The following GPC6 variants were observed in gnomAD, a reference collection of about 807,000 sequenced individuals.
The protein encoded by GPC6 is glypican-6.
In GPC6, 14 loss-of-function variants were observed where a neutral mutation model predicts 55.2. The observed-to-expected ratio is 0.25, with a 90% CI of 0.17 to 0.40. GPC6 has a LOEUF of 0.40. Ranked by LOEUF, GPC6 falls within the 10% of genes least tolerant of loss-of-function variation. The pLI, the probability that GPC6 is intolerant of heterozygous loss-of-function variation, is 1.00. For missense variants in GPC6, 641 were observed against 708.5 expected (o/e 0.90, Z 1.08); for synonymous variants, 278 against 259.6 (o/e 1.07, Z -0.68).
intron 2 of GPC6, among the ~76,000 whole-genome samples, chr13:93,684,685 A>G (rs1007917891): frequency 5.3e-4 from 81 of 152,244 alleles, no homozygotes; most frequent in African/African-American, 1.6e-3. Context: ...CAGCTCTAAG[A>G]ACAGTACCTG....
chr13:93,554,975 C>T (rs1875380134), intron 2 of GPC6, among the ~76,000 whole-genome samples: 1 of 152,190 alleles, frequency 6.6e-6, no homozygotes, highest in Admixed American at 6.5e-5. Context: ...ACTGTTTCCT[C>T]CCTTCCTAGC....
At chr13:94,043,845 T>A (rs1329448674) in intron 4 of GPC6, among the ~76,000 whole-genome samples, 1 of 151,856 alleles carries the variant, frequency 6.6e-6, no homozygotes, top group East Asian at 1.9e-4. Context: ...TGGTATCCAG[T>A]CAAAATAGCT....
At chr13:94,272,898 A>T (rs1265836825) in intron 4 of GPC6, among the ~76,000 whole-genome samples, 1 of 152,082 alleles carries the variant, frequency 6.6e-6, no homozygotes, top group African/African-American at 2.4e-5. Context: ...GCCCAGCCAC[A>T]TCACCAGGCT....
At chr13:94,057,429 T>A (rs539517005) in intron 4 of GPC6, among the ~76,000 whole-genome samples, 2 of 152,182 alleles carry the variant, frequency 1.3e-5, no homozygotes, top group Non-Finnish European at 2.9e-5. Context: ...TATTTGAAAA[T>A]CTGTGTTTGC....
chr13:93,782,638 C>T (rs547094109), intron 2 of GPC6, among the ~76,000 whole-genome samples: 42 of 152,084 alleles, frequency 2.8e-4, no homozygotes, highest in African/African-American at 5.5e-4. Context: ...AAGTATGAAG[C>T]GATATCTCAT....
chr13:93,948,243 C>T (rs1465905063), intron 3 of GPC6, among the ~76,000 whole-genome samples: 2 of 152,120 alleles, frequency 1.3e-5, no homozygotes, highest in Non-Finnish European at 2.9e-5. Flanking sequence ...TATATTCCTC[C>T]TATCGTATTT....
intron 3 of GPC6, among the ~76,000 whole-genome samples, chr13:93,957,292 G>A (rs572247059): frequency 6.6e-6 from 1 of 152,144 alleles, no homozygotes; most frequent in East Asian, 1.9e-4. Context: ...GGGGGTACAC[G>A]TACAGGCTTG....
chr13:94,147,401 C>T (rs1232634292), intron 4 of GPC6, among the ~76,000 whole-genome samples: 1 of 152,168 alleles, frequency 6.6e-6, no homozygotes, highest in Non-Finnish European at 1.5e-5. Flanking sequence ...TGGGTCAAAT[C>T]TCAGGGCTAC....
At chr13:93,979,650 C>T (rs935729724) in intron 3 of GPC6, among the ~76,000 whole-genome samples, 6 of 152,014 alleles carry the variant, frequency 3.9e-5, no homozygotes, top group Admixed American at 1.3e-4. Flanking sequence ...GTGAACTCAA[C>T]GCATTAAACA....
At chr13:94,283,433 G>A (rs925103972) in intron 4 of GPC6, among the ~76,000 whole-genome samples, 1 of 152,208 alleles carries the variant, frequency 6.6e-6, no homozygotes, top group Non-Finnish European at 1.5e-5. Flanking sequence ...TGACTCCACA[G>A]TCTTCATTCC....
chr13:93,595,391 C>T (rs975422007), intron 2 of GPC6, among the ~76,000 whole-genome samples: 10 of 152,174 alleles, frequency 6.6e-5, no homozygotes, highest in African/African-American at 1.7e-4. Context: ...GGCCATTTGA[C>T]GTTAATCACT....
intron 3 of GPC6, among the ~76,000 whole-genome samples, chr13:93,980,848 C>T (rs1880772626): frequency 6.6e-6 from 1 of 152,076 alleles, no homozygotes; most frequent in Non-Finnish European, 1.5e-5. Context: ...TCTGTGCTGG[C>T]CCCATCCCTT....
At chr13:93,485,787 C>A (rs1879684677) in intron 1 of GPC6, among the ~76,000 whole-genome samples, 1 of 151,982 alleles carries the variant, frequency 6.6e-6, no homozygotes, top group African/African-American at 2.4e-5. Context: ...AGCTGTTGTA[C>A]CTGTCAGGTT....
intron 2 of GPC6, among the ~76,000 whole-genome samples, chr13:93,817,559 A>G (rs1395575936): frequency 6.6e-6 from 1 of 152,168 alleles, no homozygotes; most frequent in African/African-American, 2.4e-5. Context: ...TTATATTTTA[A>G]AAAATATAAG....
intron 2 of GPC6, among the ~76,000 whole-genome samples, chr13:93,742,665 C>T (rs1323837896): frequency 1.3e-5 from 2 of 152,078 alleles, no homozygotes; most frequent in Admixed American, 6.6e-5. Context: ...TGTTCTTGGC[C>T]GTGTCTATAT....
At chr13:93,973,512 C>T (rs1187694205) in intron 3 of GPC6, among the ~76,000 whole-genome samples, 1 of 151,888 alleles carries the variant, frequency 6.6e-6, no homozygotes, top group Non-Finnish European at 1.5e-5. Context: ...CAAAAAAAGG[C>T]ATGATCTCTT....
chr13:93,530,562 C>G (rs1881828047), intron 1 of GPC6, among the ~76,000 whole-genome samples: 1 of 152,096 alleles, frequency 6.6e-6, no homozygotes, highest in Admixed American at 6.6e-5. Flanking sequence ...ATATAGTACT[C>G]TTAGCTCCGA....
At chr13:93,298,640 G>C (rs535032772) in intron 1 of GPC6, among the ~76,000 whole-genome samples, 2 of 151,604 alleles carry the variant, frequency 1.3e-5, no homozygotes, top group Non-Finnish European at 2.9e-5. Flanking sequence ...AGGGATGGGG[G>C]TCTCCCTATC....
chr13:93,900,592 A>T (rs929106603), intron 3 of GPC6, among the ~76,000 whole-genome samples: 1 of 152,080 alleles, frequency 6.6e-6, no homozygotes, highest in Non-Finnish European at 1.5e-5. Context: ...CCTAACCTTT[A>T]TGTTTTTCTG....
Sources: gnomAD v4.1 joint callset for allele counts (sites outside exome capture counted in the v4.1 genomes callset) on GRCh38, gnomAD v4.1.1 for gene constraint, MANE v1.5 for transcripts, NCBI Gene and HGNC (gene_info 2026-07-23, HGNC 2026-07-21) for gene names.